TMUB1: variants seen among roughly 807,000 people sequenced by gnomAD.
TMUB1 encodes transmembrane and ubiquitin like domain containing 1.
A neutral mutation model predicts 16.2 loss-of-function variants in TMUB1; 9 were observed. That is an observed-to-expected ratio of 0.55 (90% CI 0.33 to 0.97). The LOEUF is 0.97. TMUB1 is among the 50% of genes least tolerant of loss of function. TMUB1 has a pLI of 0.03. For synonymous variants in TMUB1, 155 were observed against 152.2 expected (o/e 1.02, Z -0.13); for missense variants, 309 against 313.5 (o/e 0.99, Z 0.11).
In TMUB1 at chr7:151,082,347, TG is replaced by T; in HGVS notation, c.216del (p.Ser73AlafsTer2). On this transcript the variant is annotated frameshift_variant, in exon 2 of 3. Coordinates refer to ENST00000297533, the MANE Select transcript of TMUB1 (RefSeq NM_001136044.2). LOFTEE classifies it high-confidence loss of function. The surrounding 1 kb of genome is among the most constrained non-coding windows in gnomAD (Gnocchi z 7.0). ...GCAGCTTGACCTCTGTGTCTCAGGC[TG>T]GGGGTCTCTGCCCCTGGGGCCTCCC... The part of the protein sequence containing the change: ...MRGEAPGAET[P>X]SLRHRGQAAQ... 6.3e-7 allele frequency: 1 copy of T among 1,598,048 alleles called. No homozygotes were observed.
chr7:151,081,543 G>C lies in TMUB1; in HGVS notation c.*6C>G, dbSNP rs1797985533. 6.4e-7 allele frequency: 1 copy of C among 1,572,510 alleles called. No homozygotes were observed. Among genetic ancestry groups the C allele is most frequent in the African/African-American group, 1.4e-5 (1 of 73,698 alleles). ...CCGGCGACGCTGCCAAGCGCCCGCG[G>C]AGGCACTACGGGCGGTACATGGCAA... On this transcript the variant is annotated 3_prime_UTR_variant, in exon 3 of 3. Transcript: ENST00000297533. The surrounding 1 kb of genome is among the most constrained non-coding windows in gnomAD (Gnocchi z 7.6).
Sources: allele counts gnomAD v4.1 joint callset, GRCh38; gene constraint gnomAD v4.1.1; non-coding constraint Gnocchi (gnomAD v3.1); transcripts MANE v1.5; gene names NCBI Gene and HGNC (gene_info 2026-07-23, HGNC 2026-07-21).